PHACTR1: variants seen among roughly 807,000 people sequenced by gnomAD.
PHACTR1 encodes the protein phosphatase and actin regulator 1.
In PHACTR1, 16 loss-of-function variants were observed where a neutral mutation model predicts 69.2. That is an observed-to-expected ratio of 0.23 (90% CI 0.16 to 0.35). The LOEUF (loss-of-function observed/expected upper bound fraction) is 0.35. Ranked by LOEUF, PHACTR1 falls within the 10% of genes least tolerant of loss-of-function variation. The pLI is 1.00. For missense variants in PHACTR1, 510 were observed against 734.7 expected, an observed-to-expected ratio of 0.69 and a Z score of 3.54; for synonymous variants, 312 against 284.5, an observed-to-expected ratio of 1.10 and a Z score of -0.97.
intron 5 of PHACTR1, among the ~76,000 whole-genome samples, chr6:13,094,300 CT>C (rs11399921): frequency 1.7e-4 from 24 of 145,168 alleles, no homozygotes; most frequent in African/African-American, 1.8e-4. Context: ...GATAAAGTGT[CT>C]TTTTTTTTTT....
intron 4 of PHACTR1, among the ~76,000 whole-genome samples, chr6:12,902,296 A>G (rs1785286526): frequency 6.6e-6 from 1 of 152,168 alleles, no homozygotes; most frequent in South Asian, 2.1e-4. Context: ...GGTGGCACGT[A>G]CCTGTAATAT....
chr6:12,893,006 GA>G (rs755173280), intron 4 of PHACTR1, among the ~76,000 whole-genome samples: 7 of 152,212 alleles, frequency 4.6e-5, no homozygotes, highest in Non-Finnish European at 1.0e-4. Context: ...AAGGAAGAGA[GA>G]GAGAGAAAGC....
At chr6:13,001,108 A>G (rs1306530334) in intron 4 of PHACTR1, among the ~76,000 whole-genome samples, 1 of 152,228 alleles carries the variant, frequency 6.6e-6, no homozygotes, top group Non-Finnish European at 1.5e-5. Flanking sequence ...AGACTGTGTC[A>G]GAAGTGGTTC....
intron 4 of PHACTR1, among the ~76,000 whole-genome samples, chr6:12,884,892 A>C (rs1783482542): frequency 6.6e-6 from 1 of 152,190 alleles, no homozygotes; most frequent in Non-Finnish European, 1.5e-5. Context: ...GACTAATCAT[A>C]AATAAACACT....
At chr6:13,285,350 C>CA (rs1008096657) in intron 13 of PHACTR1, among the ~76,000 whole-genome samples, 1 of 152,178 alleles carries the variant, frequency 6.6e-6, no homozygotes, top group African/African-American at 2.4e-5. Flanking sequence ...TTTCTCTCCT[C>CA]AAACTCCTGG....
At chr6:12,791,179 G>A (rs78765413) in intron 4 of PHACTR1, among the ~76,000 whole-genome samples, 1,588 of 152,288 alleles carry the variant, frequency 0.01, 25 homozygotes, top group African/African-American at 0.035. Context: ...ACAGAAAAAT[G>A]TGTGACTGCT....
chr6:12,851,391 G>A (rs146624285), intron 4 of PHACTR1, among the ~76,000 whole-genome samples: 73 of 152,330 alleles, frequency 4.8e-4, no homozygotes, highest in African/African-American at 1.7e-3. Flanking sequence ...GGTTTTGATG[G>A]CGTTAGAAAA....
intron 5 of PHACTR1, among the ~76,000 whole-genome samples, chr6:13,122,841 T>C (rs1561861262): frequency 6.6e-6 from 1 of 152,348 alleles, no homozygotes; most frequent in East Asian, 1.9e-4. Context: ...AAAGTCACTG[T>C]CTTTAGTTCT....
chr6:13,083,620 T>C (rs1232291888), intron 5 of PHACTR1, among the ~76,000 whole-genome samples: 3 of 152,184 alleles, frequency 2.0e-5, no homozygotes, highest in East Asian at 3.9e-4. Context: ...TTTTATTTCA[T>C]TGAGCAGTGA....
chr6:12,818,244 G>A (rs890179558), intron 4 of PHACTR1, among the ~76,000 whole-genome samples: 1 of 152,128 alleles, frequency 6.6e-6, no homozygotes, highest in Non-Finnish European at 1.5e-5. Context: ...GACTTGGCTG[G>A]GTGGTTCTTC....
chr6:13,188,294 C>T lies in PHACTR1; in HGVS notation c.664+5608C>T, dbSNP rs184709186. ...TGCTTAATTTTTATAAGTGAGCAAT[C>T]AGTTATAATGAATCTGCATCACCAT... On this transcript the variant is annotated intron_variant, in intron 7 of 14. Transcript: ENST00000332995. Among the ~76,000 whole-genome samples the T allele has an allele frequency of 3.1e-4, 47 of 152,296 alleles. 1 individual carries two copies. In the East Asian group the frequency reaches 9.1e-3, roughly 29 times the overall value.
intron 6 of PHACTR1, among the ~76,000 whole-genome samples, chr6:13,181,459 T>G (rs1040980327): frequency 2.0e-5 from 3 of 152,194 alleles, no homozygotes; most frequent in African/African-American, 7.2e-5. Flanking sequence ...CAGCTTTCAG[T>G]CCTCTTTAAA....
At position 13,133,689 on chromosome 6, in the gene PHACTR1, G is replaced by C. The variant is rs547648028; in HGVS notation, c.416-26515G>C. On this transcript the variant is annotated intron_variant, in intron 5 of 14. Coordinates refer to ENST00000332995, the MANE Select transcript of PHACTR1 (RefSeq NM_030948.6). ...GCCTGCCTTGGCCTCCCAAAGTGCC[G>C]AGATTGCAGCCTCTGCCTGGCTGCC... 1.5e-4 allele frequency among the ~76,000 whole-genome samples: 23 copies of C among 152,224 alleles called. No individual in the cohort carries two copies. The South Asian group carries it at 4.6e-3, about 30-fold the overall frequency.
chr6:12,751,700 C>T (rs1470949511), intron 4 of PHACTR1, among the ~76,000 whole-genome samples: 1 of 152,134 alleles, frequency 6.6e-6, no homozygotes, highest in Non-Finnish European at 1.5e-5. Flanking sequence ...TAAAGATTGG[C>T]TCAGACAGGA....
At chr6:13,183,220 C>G (rs1290538509) in intron 7 of PHACTR1, among the ~76,000 whole-genome samples, 3 of 152,168 alleles carry the variant, frequency 2.0e-5, no homozygotes, top group Non-Finnish European at 2.9e-5. Flanking sequence ...TCATCTCCTT[C>G]TTTGGTCCAA....
intron 4 of PHACTR1, among the ~76,000 whole-genome samples, chr6:12,829,915 G>A (rs1405033164): frequency 2.0e-5 from 3 of 148,816 alleles, no homozygotes; most frequent in African/African-American, 7.5e-5. Context: ...CCAAGATTGT[G>A]CCACTGCTCT....
intron 8 of PHACTR1, among the ~76,000 whole-genome samples, chr6:13,215,353 G>A (rs1007106996): frequency 2.6e-5 from 4 of 152,160 alleles, no homozygotes; most frequent in Non-Finnish European, 2.9e-5. Context: ...TATGAAATTC[G>A]GAGTTGTCTT....
intron 4 of PHACTR1, among the ~76,000 whole-genome samples, chr6:12,846,661 A>T (rs562479453): frequency 6.6e-6 from 1 of 151,392 alleles, no homozygotes; most frequent in African/African-American, 2.4e-5. Context: ...TATTAATCTT[A>T]CAGGAATTTT....
At chr6:12,722,382 T>A (rs1052967861) in intron 3 of PHACTR1, among the ~76,000 whole-genome samples, 1 of 152,212 alleles carries the variant, frequency 6.6e-6, no homozygotes, top group African/African-American at 2.4e-5. Flanking sequence ...TCCAGGAAGA[T>A]AACACCTTCT....
Sources: gnomAD v4.1 joint callset for allele counts (sites outside exome capture counted in the v4.1 genomes callset) on GRCh38, gnomAD v4.1.1 for gene constraint, MANE v1.5 for transcripts, NCBI Gene and HGNC (gene_info 2026-07-23, HGNC 2026-07-21) for gene names.